The following YWHAE variants were observed in gnomAD, a reference collection of about 807,000 sequenced individuals.
YWHAE encodes 14-3-3 protein epsilon.
YWHAE carries 4 observed loss-of-function variants against 30.1 expected under a neutral mutation model. The ratio of observed to expected loss-of-function variants is 0.13; its 90% CI spans 0.07 to 0.30. YWHAE has a LOEUF of 0.30. Among genes scored for constraint, YWHAE ranks in the 10% least tolerant of loss-of-function variants. YWHAE has a pLI of 1.00. For synonymous variants in YWHAE, 118 were observed against 111.8 expected (o/e 1.06, Z -0.35); for missense variants, 121 against 315.9 (o/e 0.38, Z 4.68).
At chr17:1,371,444 C>G (rs1340104311) in intron 1 of YWHAE, among the ~76,000 whole-genome samples, 2 of 151,816 alleles carry the variant, frequency 1.3e-5, no homozygotes, top group African/African-American at 4.8e-5. Flanking sequence ...TTCTGAGTAC[C>G]AAGCTTCAAC....
chr17:1,388,108 T>TTG (rs1567983193), intron 1 of YWHAE, among the ~76,000 whole-genome samples: 8 of 46,646 alleles, frequency 1.7e-4, no homozygotes, highest in African/African-American at 7.8e-4. Context: ...TTTGTTTTTT[T>TTG]TTTTGGTTGG....
chr17:1,396,067 C>G (rs1268185708), intron 1 of YWHAE, among the ~76,000 whole-genome samples: 1 of 151,914 alleles, frequency 6.6e-6, no homozygotes, highest in Non-Finnish European at 1.5e-5. Flanking sequence ...TGCAGTGAGC[C>G]GAGATCGCGC....
In YWHAE at chr17:1,356,966, A is replaced by C. The variant is rs577224466; in HGVS notation, c.579-2619T>G. 8.7e-5 allele frequency among the ~76,000 whole-genome samples: 13 copies of C among 150,162 alleles called. No homozygotes were observed. The South Asian group carries it at 1.9e-3, about 22-fold the overall frequency. ...GTTGTCCTCAAACAAACCAAAAAAAAACACATACAAAAACCAAAAGGGGCC... is the reference window on the plus strand; with the variant it reads ...GTTGTCCTCAAACAAACCAAAAAAACACACATACAAAAACCAAAAGGGGCC... On this transcript the variant is annotated intron_variant, in intron 4 of 5. Transcript: ENST00000264335.
rs1251969526 is a variant in YWHAE, at chr17:1,344,824, A to G, written c.*623T>C. The G allele has an allele frequency of 1.3e-5, 3 of 232,960 alleles. No homozygotes were observed. The highest frequency in any genetic ancestry group is 2.2e-5 in the African/African-American group (1 of 45,294). The allele number at this position is 232,960 out of a possible 1,614,324, so 14.4% of individuals were successfully genotyped here. A position where few individuals can be genotyped will look rare whatever the true frequency, so the allele number is the denominator to read the frequency against. ...CAACGCTAACCTGCTTCAGTGGGAG[A>G]GTAAAGTAGGCAAGAATGAGCAGCC... is the stretch of plus-strand genomic sequence containing the variant. On this transcript the variant is annotated 3_prime_UTR_variant, in exon 6 of 6. Coordinates refer to ENST00000264335, the MANE Select transcript of YWHAE (RefSeq NM_006761.5).
chr17:1,378,264 G>A (rs1376724900), intron 1 of YWHAE, among the ~76,000 whole-genome samples: 3 of 152,226 alleles, frequency 2.0e-5, no homozygotes, highest in Non-Finnish European at 4.4e-5. Flanking sequence ...GGACATTTCT[G>A]CAGAAGGCTG....
chr17:1,359,065 G>A (rs1362531554), intron 4 of YWHAE, among the ~76,000 whole-genome samples: 1 of 151,928 alleles, frequency 6.6e-6, no homozygotes, highest in Admixed American at 6.6e-5. Context: ...GAACCTGGAA[G>A]GCAGAGGTTG....
intron 1 of YWHAE, among the ~76,000 whole-genome samples, chr17:1,397,646 T>C (rs1873827): frequency 0.48 from 72,978 of 151,958 alleles, 18,949 homozygotes; most frequent in African/African-American, 0.67. Flanking sequence ...CTGTCTTACC[T>C]TCTTCCACCC....
chr17:1,398,086 A>G (rs2073501382), intron 1 of YWHAE, among the ~76,000 whole-genome samples: 1 of 152,184 alleles, frequency 6.6e-6, no homozygotes, highest in Non-Finnish European at 1.5e-5. Flanking sequence ...TCAAAAAGAA[A>G]AAGACCTTTC....
At chr17:1,357,185 C>G (rs1278968378) in intron 4 of YWHAE, among the ~76,000 whole-genome samples, 1 of 151,838 alleles carries the variant, frequency 6.6e-6, no homozygotes, top group African/African-American at 2.4e-5. Context: ...GGGTGGATCA[C>G]GAGGTCAGGA....
chr17:1,378,788 A>C (rs1261017269), intron 1 of YWHAE, among the ~76,000 whole-genome samples: 1 of 152,216 alleles, frequency 6.6e-6, no homozygotes, highest in Non-Finnish European at 1.5e-5. Flanking sequence ...TCTACTAAAA[A>C]TACCAAAAAT....
chr17:1,392,194 G>A (rs1294295926), intron 1 of YWHAE, among the ~76,000 whole-genome samples: 1 of 151,660 alleles, frequency 6.6e-6, no homozygotes. Flanking sequence ...CGGGAAAAAA[G>A]AAAAAGAAAA....
chr17:1,349,762 A>G (rs1183522002), intron 5 of YWHAE, among the ~76,000 whole-genome samples: 5 of 151,138 alleles, frequency 3.3e-5, no homozygotes, highest in African/African-American at 7.3e-5. Context: ...ACAGGCGCCC[A>G]CCACCACGCC....
intron 1 of YWHAE, among the ~76,000 whole-genome samples, chr17:1,388,368 G>T (rs1366125173): frequency 4.6e-5 from 7 of 151,352 alleles, no homozygotes; most frequent in African/African-American, 2.4e-5. Context: ...TACAAAAAAT[G>T]AGCCGGGCGT....
intron 1 of YWHAE, among the ~76,000 whole-genome samples, chr17:1,373,527 G>C (rs577915833): frequency 5.3e-4 from 80 of 152,022 alleles, no homozygotes; most frequent in Admixed American, 2.2e-3. Context: ...AATTAGCCAG[G>C]CATGGTGGCG....
intron 4 of YWHAE, among the ~76,000 whole-genome samples, chr17:1,355,092 C>T (rs1490435841): frequency 1.1e-5 from 1 of 93,442 alleles, no homozygotes; most frequent in Non-Finnish European, 1.9e-5. Context: ...ACAAACGGTA[C>T]ACACTACCAC....
intron 5 of YWHAE, among the ~76,000 whole-genome samples, chr17:1,353,329 T>G (rs1384071941): frequency 6.7e-6 from 1 of 149,668 alleles, no homozygotes; most frequent in Non-Finnish European, 1.5e-5. Context: ...TCCCAGCTAC[T>G]CGGGAGACTG....
intron 1 of YWHAE, among the ~76,000 whole-genome samples, chr17:1,365,302 T>C (rs1215394977): frequency 6.6e-6 from 1 of 152,120 alleles, no homozygotes; most frequent in African/African-American, 2.4e-5. Context: ...TACTATCTAA[T>C]ATAATTTAGT....
chr17:1,371,554 G>A (rs972757008), intron 1 of YWHAE, among the ~76,000 whole-genome samples: 2 of 152,128 alleles, frequency 1.3e-5, no homozygotes, highest in Non-Finnish European at 1.5e-5. Flanking sequence ...AATTTAGCAT[G>A]ATTCTTAAAG....
chr17:1,383,034 A>AG (rs1024325088), intron 1 of YWHAE, among the ~76,000 whole-genome samples: 1 of 150,738 alleles, frequency 6.6e-6, no homozygotes, highest in Non-Finnish European at 1.5e-5. Context: ...CAAGAAAGAA[A>AG]AAAAAAAAAA....
Sources: gnomAD v4.1 joint callset for allele counts (sites outside exome capture counted in the v4.1 genomes callset) on GRCh38, gnomAD v4.1.1 for gene constraint, MANE v1.5 for transcripts, NCBI Gene and HGNC (gene_info 2026-07-23, HGNC 2026-07-21) for gene names.